NOS1AP: variants seen among roughly 807,000 people sequenced by gnomAD.
NOS1AP encodes nitric oxide synthase 1 adaptor protein, also known as carboxyl-terminal PDZ ligand of neuronal nitric oxide synthase protein.
NOS1AP carries 21 observed loss-of-function variants against 56.2 expected under a neutral mutation model. The observed-to-expected ratio is 0.37, with a 90% confidence interval of 0.26 to 0.54. The LOEUF (loss-of-function observed/expected upper bound fraction) is 0.54, where lower values mean the gene tolerates loss of function less well. NOS1AP is among the 20% of genes least tolerant of loss of function. The pLI is 0.84. For missense variants in NOS1AP, 522 were observed against 657.8 expected (o/e 0.79, Z 2.26); for synonymous variants, 270 against 274.6 (o/e 0.98, Z 0.17).
intron 1 of NOS1AP, among the ~76,000 whole-genome samples, chr1:162,126,831 C>T (rs539606238): frequency 8.0e-5 from 12 of 150,616 alleles, no homozygotes; most frequent in African/African-American, 2.9e-4. Context: ...ATTCCTGGGT[C>T]AAAGGTAAAT....
chr1:162,336,781 T>G (rs1301538873), intron 5 of NOS1AP, among the ~76,000 whole-genome samples: 1 of 152,218 alleles, frequency 6.6e-6, no homozygotes, highest in Non-Finnish European at 1.5e-5. Flanking sequence ...TCAAATAAGA[T>G]GAAAGGCATC....
At chr1:162,075,495 C>A (rs1377228876) in intron 1 of NOS1AP, among the ~76,000 whole-genome samples, 1 of 152,198 alleles carries the variant, frequency 6.6e-6, no homozygotes, top group African/African-American at 2.4e-5. Flanking sequence ...AGATGAATGA[C>A]ATTTGGTCAC....
intron 2 of NOS1AP, among the ~76,000 whole-genome samples, chr1:162,172,664 G>A (rs1488963483): frequency 4.6e-5 from 7 of 152,184 alleles, no homozygotes; most frequent in Admixed American, 3.3e-4. Flanking sequence ...TTTGGTATAT[G>A]TATGTGCTTT....
chr1:162,255,488 T>A (rs10918998), intron 2 of NOS1AP, among the ~76,000 whole-genome samples: 32,138 of 129,902 alleles, frequency 0.25, 4,389 homozygotes, highest in East Asian at 0.53. Flanking sequence ...TTGCTGCTGC[T>A]GATTTTTTTT....
In NOS1AP at chr1:162,274,045, G is replaced by A. The variant is rs575645116; in HGVS notation, c.178-13299G>A. Among the ~76,000 whole-genome samples the A allele has an allele frequency of 2.0e-5, 3 of 152,270 alleles. No homozygotes were observed. The South Asian group carries it at 6.2e-4, about 32-fold the overall frequency. ...AAACATTCATGTACAGGTCTTTGTG[G>A]GAACATAACTTTCCCTTTCTCTAGG... On this transcript the variant is annotated intron_variant, in intron 2 of 9. Coordinates refer to ENST00000361897, the MANE Select transcript of NOS1AP (RefSeq NM_014697.3).
chr1:162,181,288 C>G (rs1651248128), intron 2 of NOS1AP, among the ~76,000 whole-genome samples: 1 of 152,090 alleles, frequency 6.6e-6, no homozygotes, highest in African/African-American at 2.4e-5. Context: ...AATGAAAGCT[C>G]TTAAATAATT....
chr1:162,182,874 C>T (rs2102147121), intron 2 of NOS1AP, among the ~76,000 whole-genome samples: 1 of 152,302 alleles, frequency 6.6e-6, no homozygotes, highest in East Asian at 1.9e-4. Flanking sequence ...GTCTGAACCC[C>T]TCAAAGTCAT....
chr1:162,186,422 A>G (rs760391584), intron 2 of NOS1AP, among the ~76,000 whole-genome samples: 2 of 152,016 alleles, frequency 1.3e-5, no homozygotes, highest in Non-Finnish European at 2.9e-5. Flanking sequence ...ACAAAACAAA[A>G]AAAAACAAAA....
At chr1:162,147,661 C>G (rs1213805137) in intron 1 of NOS1AP, among the ~76,000 whole-genome samples, 1 of 152,138 alleles carries the variant, frequency 6.6e-6, no homozygotes, top group Non-Finnish European at 1.5e-5. Flanking sequence ...TGTCCAGAAA[C>G]TTATAAAAAA....
At chr1:162,311,361 G>A (rs1332671072) in intron 4 of NOS1AP, among the ~76,000 whole-genome samples, 1 of 152,254 alleles carries the variant, frequency 6.6e-6, no homozygotes, top group East Asian at 1.9e-4. Flanking sequence ...TGAAGGGAAA[G>A]TTCTGGGTTG....
At position 162,255,490 on chromosome 1, in the gene NOS1AP, ATTT is replaced by A. The variant is rs35637289; in HGVS notation, c.178-31821_178-31819del. Among the ~76,000 whole-genome samples the A allele has an allele frequency of 2.1e-4, 13 of 60,980 alleles. 1 individual carries two copies. Among genetic ancestry groups the A allele is most frequent in the African/African-American group, 4.5e-4 (9 of 19,904 alleles). 40.0% of individuals were successfully genotyped at this position (60,980 alleles called of 152,430 possible). A position where few individuals can be genotyped will look rare whatever the true frequency, so the allele number is the denominator to read the frequency against. ...ATGCATAGGTTATTTGCTGCTGCTG[ATTT>A]TTTTTTTTTTTTTTTTTTTTTTTTT... On this transcript the variant is annotated intron_variant, in intron 2 of 9. Transcript: ENST00000361897.
Position 162,070,361 on chromosome 1 carries a change from C to T in NOS1AP, c.105+79C>T. ...TTGAGCGGATGGGATGCACAGCCGT[C>T]CTGGACCCAGAGCTGGCGGGCTAGG... On this transcript the variant is annotated intron_variant, in intron 1 of 9. Coordinates refer to ENST00000361897, the MANE Select transcript of NOS1AP (RefSeq NM_014697.3). The T allele has an allele frequency of 5.7e-6, 7 of 1,234,234 alleles. No individual in the cohort carries two copies. The South Asian group carries it at 8.5e-5, about 15-fold the overall frequency. 76.5% of individuals were successfully genotyped at this position (1,234,234 alleles called of 1,614,324 possible). A position where few individuals can be genotyped will look rare whatever the true frequency, so the allele number is the denominator to read the frequency against.
chr1:162,233,713 C>T (rs1429980514), intron 2 of NOS1AP, among the ~76,000 whole-genome samples: 1 of 152,134 alleles, frequency 6.6e-6, no homozygotes, highest in Non-Finnish European at 1.5e-5. Context: ...CTTTCTGGGA[C>T]TTTATTTGCA....
chr1:162,179,451 T>C (rs1015062374), intron 2 of NOS1AP, among the ~76,000 whole-genome samples: 2 of 152,210 alleles, frequency 1.3e-5, no homozygotes, highest in Non-Finnish European at 2.9e-5. Flanking sequence ...ATTGCCAGTC[T>C]GTTCTCTGGT....
At chr1:162,321,731 A>ATATATATAT (rs1553205807) in intron 4 of NOS1AP, among the ~76,000 whole-genome samples, 88 of 128,470 alleles carry the variant, frequency 6.8e-4, no homozygotes, top group Non-Finnish European at 1.1e-3. Context: ...AAAAAAAAAA[A>ATATATATAT]ATATATATAT....
At chr1:162,150,272 A>G (rs1298222411) in intron 1 of NOS1AP, among the ~76,000 whole-genome samples, 1 of 152,090 alleles carries the variant, frequency 6.6e-6, no homozygotes, top group Non-Finnish European at 1.5e-5. Flanking sequence ...ACTAACCTCC[A>G]TTTTTATCTG....
At chr1:162,070,392 T>C (rs890307642) in intron 1 of NOS1AP, 110 bp downstream of exon 1, 3 of 852,130 alleles carry the variant, frequency 3.5e-6, no homozygotes, top group Non-Finnish European at 5.8e-6. Flanking sequence ...CTAGGCCGAT[T>C]TGGGGGCCTT....
In NOS1AP at chr1:162,155,775, T is replaced by C. The variant is rs542582744; in HGVS notation, c.177+1299T>C. Among the ~76,000 whole-genome samples the C allele has an allele frequency of 2.6e-5, 4 of 152,322 alleles. No individual in the cohort carries two copies. In the South Asian group the frequency reaches 8.3e-4, roughly 32 times the overall value. On this transcript the variant is annotated intron_variant, in intron 2 of 9. Transcript: ENST00000361897. ...AACAGAATAAATTACCTTGTACTTG[T>C]GCATTTCAAAGGTAGGTTTGGGATT...
chr1:162,293,158 T>C (rs1180896974), intron 3 of NOS1AP, among the ~76,000 whole-genome samples: 1 of 152,200 alleles, frequency 6.6e-6, no homozygotes, highest in African/African-American at 2.4e-5. Context: ...GATAGCTTTA[T>C]TTTCAGTAGT....
Sources: gnomAD v4.1 joint callset for allele counts (sites outside exome capture counted in the v4.1 genomes callset) on GRCh38, gnomAD v4.1.1 for gene constraint, MANE v1.5 for transcripts, NCBI Gene and HGNC (gene_info 2026-07-23, HGNC 2026-07-21) for gene names.